Variants in RBFOX3 observed in about 807,000 individuals in gnomAD.
RBFOX3 encodes RNA binding fox-1 homolog 3.
In RBFOX3, 17 loss-of-function variants were observed where a neutral mutation model predicts 48.7. The ratio of observed to expected loss-of-function variants is 0.35; its 90% CI spans 0.24 to 0.52. RBFOX3 has a LOEUF of 0.52. RBFOX3 is among the 20% of genes least tolerant of loss of function. The pLI is 0.94. For missense variants in RBFOX3, 382 were observed against 497.5 expected, an observed-to-expected ratio of 0.77 and a Z score of 2.21; for synonymous variants, 212 against 209.5, an observed-to-expected ratio of 1.01 and a Z score of -0.10.
intron 1 of RBFOX3, among the ~76,000 whole-genome samples, chr17:79,575,259 G>A (rs1416323394): frequency 2.6e-5 from 4 of 152,344 alleles, no homozygotes; most frequent in Admixed American, 2.6e-4. Flanking sequence ...GAAACGCTGT[G>A]AGGGCATGCA....
chr17:79,106,500 G>T, intron 6 of RBFOX3, 151 bp downstream of exon 6: 1 of 946,122 alleles, frequency 1.1e-6, no homozygotes, highest in Non-Finnish European at 1.5e-6. Flanking sequence ...GCCCAGGAGG[G>T]AAGGAATCCT....
At chr17:79,493,199 C>G (rs2080954251) in intron 1 of RBFOX3, among the ~76,000 whole-genome samples, 1 of 152,038 alleles carries the variant, frequency 6.6e-6, no homozygotes, top group South Asian at 2.1e-4. Flanking sequence ...ACAACCAGAT[C>G]TCACATGAAC....
chr17:79,350,791 C>T (rs907137130), intron 2 of RBFOX3, among the ~76,000 whole-genome samples: 6 of 152,190 alleles, frequency 3.9e-5, no homozygotes, highest in East Asian at 3.9e-4. Flanking sequence ...TGCAGGGTGG[C>T]GTGAGCTGGC....
intron 4 of RBFOX3, among the ~76,000 whole-genome samples, chr17:79,146,023 G>A (rs550161471): frequency 6.6e-6 from 1 of 152,146 alleles, no homozygotes; most frequent in Non-Finnish European, 1.5e-5. Context: ...TCCCTTGCAC[G>A]TGCAGTTCAC....
At chr17:79,278,440 A>G (rs2069444347) in intron 3 of RBFOX3, among the ~76,000 whole-genome samples, 1 of 151,562 alleles carries the variant, frequency 6.6e-6, no homozygotes, top group Non-Finnish European at 1.5e-5. Flanking sequence ...AGAGTGGGGG[A>G]GGTTGAAGCC....
chr17:79,140,164 G>A (rs2041628625), intron 4 of RBFOX3, among the ~76,000 whole-genome samples: 1 of 152,254 alleles, frequency 6.6e-6, no homozygotes, highest in Admixed American at 6.5e-5. Flanking sequence ...GCCCTTGGCA[G>A]AGTCTTCACC....
intron 3 of RBFOX3, among the ~76,000 whole-genome samples, chr17:79,258,508 G>T (rs1239422241): frequency 6.6e-6 from 1 of 152,176 alleles, no homozygotes; most frequent in South Asian, 2.1e-4. Flanking sequence ...TCCCACGGGG[G>T]TCCCTGTCTA....
intron 4 of RBFOX3, among the ~76,000 whole-genome samples, chr17:79,171,749 C>A (rs2049347785): frequency 8.4e-6 from 1 of 119,424 alleles, no homozygotes; most frequent in Admixed American, 7.9e-5. Flanking sequence ...TGTGTGAGCT[C>A]AAACTCTTGG....
intron 4 of RBFOX3, among the ~76,000 whole-genome samples, chr17:79,191,896 A>C (rs1186940464): frequency 6.6e-6 from 1 of 152,146 alleles, no homozygotes; most frequent in East Asian, 1.9e-4. Flanking sequence ...CCGGCAGCCT[A>C]AGATACACCA....
chr17:79,575,847 C>G (rs1362205216), intron 1 of RBFOX3, among the ~76,000 whole-genome samples: 1 of 152,152 alleles, frequency 6.6e-6, no homozygotes, highest in Non-Finnish European at 1.5e-5. Flanking sequence ...TCATGGTATT[C>G]CTGTGATAGT....
intron 2 of RBFOX3, among the ~76,000 whole-genome samples, chr17:79,376,972 C>T (rs1345676606): frequency 6.6e-6 from 1 of 152,188 alleles, no homozygotes; most frequent in African/African-American, 2.4e-5. Flanking sequence ...CCAGTACCTC[C>T]TGAGGACCAA....
At chr17:79,328,170 T>C (rs1487218491) in intron 2 of RBFOX3, among the ~76,000 whole-genome samples, 1 of 152,226 alleles carries the variant, frequency 6.6e-6, no homozygotes, top group Non-Finnish European at 1.5e-5. Context: ...ACTCATGGCA[T>C]ACTATTCTGT....
At chr17:79,455,632 G>C (rs2074345474) in intron 2 of RBFOX3, among the ~76,000 whole-genome samples, 2 of 152,118 alleles carry the variant, frequency 1.3e-5, no homozygotes, top group South Asian at 4.1e-4. Context: ...CACACGTTCA[G>C]AGGAACCTAT....
chr17:79,318,267 G>T (rs1272252199), intron 2 of RBFOX3, among the ~76,000 whole-genome samples: 1 of 152,208 alleles, frequency 6.6e-6, no homozygotes, highest in Non-Finnish European at 1.5e-5. Context: ...GGAGGGAAGA[G>T]GAGAAGGAGG....
At chr17:79,133,695 C>T (rs964540271) in intron 4 of RBFOX3, among the ~76,000 whole-genome samples, 1 of 152,162 alleles carries the variant, frequency 6.6e-6, no homozygotes, top group African/African-American at 2.4e-5. Flanking sequence ...ACGCAGCATC[C>T]GTGGTACACA....
chr17:79,342,350 T>G (rs1468174684), intron 2 of RBFOX3, among the ~76,000 whole-genome samples: 2 of 152,254 alleles, frequency 1.3e-5, no homozygotes, highest in African/African-American at 2.4e-5. Flanking sequence ...TGTTGGGCAT[T>G]TGTTGTTTTT....
At chr17:79,378,154 C>T (rs987149384) in intron 2 of RBFOX3, among the ~76,000 whole-genome samples, 3 of 152,098 alleles carry the variant, frequency 2.0e-5, no homozygotes, top group Non-Finnish European at 4.4e-5. Context: ...GGGGTCCCAG[C>T]GGGTCTCCAC....
intron 4 of RBFOX3, among the ~76,000 whole-genome samples, chr17:79,188,823 C>T (rs1474140945): frequency 6.6e-6 from 1 of 152,246 alleles, no homozygotes; most frequent in Non-Finnish European, 1.5e-5. Context: ...CCCCAGGGCT[C>T]GGTGGGTAAG....
At chr17:79,325,126 C>A (rs1433744345) in intron 2 of RBFOX3, among the ~76,000 whole-genome samples, 1 of 152,242 alleles carries the variant, frequency 6.6e-6, no homozygotes, top group African/African-American at 2.4e-5. Flanking sequence ...CACCCCTGTG[C>A]CCATTCCTGC....
Sources: gnomAD v4.1 joint callset for allele counts (sites outside exome capture counted in the v4.1 genomes callset) on GRCh38, gnomAD v4.1.1 for gene constraint, MANE v1.5 for transcripts, NCBI Gene and HGNC (gene_info 2026-07-23, HGNC 2026-07-21) for gene names.